Variants in MAST4 observed in about 807,000 individuals in gnomAD.
MAST4 encodes microtubule-associated serine/threonine-protein kinase 4.
MAST4 carries 89 observed loss-of-function variants against 162.7 expected under a neutral mutation model. That is an observed-to-expected ratio of 0.55 (90% CI 0.46 to 0.65). The LOEUF is 0.65. Ranked by LOEUF, MAST4 falls within the 30% of genes least tolerant of loss-of-function variation. The pLI is 0.00. For missense variants in MAST4, 3,153 were observed against 3,374.0 expected, an observed-to-expected ratio of 0.93 and a Z score of 1.62; for synonymous variants, 1,479 against 1,361.1, an observed-to-expected ratio of 1.09 and a Z score of -1.91.
chr5:66,926,806 C>T (rs190138238), intron 4 of MAST4, among the ~76,000 whole-genome samples: 28 of 151,930 alleles, frequency 1.8e-4, no homozygotes, highest in South Asian at 4.2e-4. Flanking sequence ...GGACTGTGGC[C>T]GAGGAGCACC....
At chr5:66,806,543 A>G (rs1182190810) in intron 3 of MAST4, among the ~76,000 whole-genome samples, 1 of 152,220 alleles carries the variant, frequency 6.6e-6, no homozygotes, top group Non-Finnish European at 1.5e-5. Flanking sequence ...TTGATCAGGT[A>G]GAACTTAATT....
intron 1 of MAST4, among the ~76,000 whole-genome samples, chr5:66,758,443 G>T (rs1753676540): frequency 6.6e-6 from 1 of 151,654 alleles, no homozygotes; most frequent in Admixed American, 6.6e-5. Context: ...TTGAGATGGG[G>T]TCTTGCTCTG....
chr5:66,985,382 A>C (rs1348911167), intron 4 of MAST4, among the ~76,000 whole-genome samples: 3 of 152,174 alleles, frequency 2.0e-5, no homozygotes, highest in African/African-American at 7.2e-5. Context: ...AGAAATGTTC[A>C]ATCAAAGACA....
chr5:66,665,992 G>A (rs1007694577), intron 1 of MAST4, among the ~76,000 whole-genome samples: 1 of 152,156 alleles, frequency 6.6e-6, no homozygotes, highest in Non-Finnish European at 1.5e-5. Context: ...CCCCGTTGGG[G>A]CTTTTCAAAA....
chr5:66,891,684 C>T (rs1229999303), intron 3 of MAST4, among the ~76,000 whole-genome samples: 1 of 152,154 alleles, frequency 6.6e-6, no homozygotes, highest in African/African-American at 2.4e-5. Flanking sequence ...CCCTACCTGA[C>T]TACGTCTGTT....
chr5:67,084,728 A>G (rs1763056144), intron 5 of MAST4, among the ~76,000 whole-genome samples: 1 of 152,190 alleles, frequency 6.6e-6, no homozygotes, highest in Non-Finnish European at 1.5e-5. Context: ...AGACAGAATG[A>G]TTAAAATGAT....
intron 1 of MAST4, among the ~76,000 whole-genome samples, chr5:66,670,457 T>C (rs1262855947): frequency 6.6e-6 from 1 of 152,204 alleles, no homozygotes; most frequent in Non-Finnish European, 1.5e-5. Flanking sequence ...TTATTATAAA[T>C]CAGGATTGTG....
intron 17 of MAST4, among the ~76,000 whole-genome samples, 180 bp from the exon 18 acceptor site, chr5:67,134,343 A>G (rs1380637131): frequency 6.6e-6 from 1 of 152,136 alleles, no homozygotes; most frequent in African/African-American, 2.4e-5. Flanking sequence ...TTTGGTAATA[A>G]TTCTTTTCGT....
At chr5:67,151,767 C>CTTTT (rs1163541260) in intron 24 of MAST4, among the ~76,000 whole-genome samples, 4 of 115,668 alleles carry the variant, frequency 3.5e-5, no homozygotes, top group Admixed American at 8.9e-5. Context: ...TTCTTTTTTT[C>CTTTT]TTTTTTTTTT....
chr5:67,023,725 C>A lies in MAST4; in HGVS notation c.675-30679C>A, dbSNP rs1046463113. ...TATTTGCAAACTTATGGGTGGAGGG[C>A]AGGATGGTGGGGTAATTATGATGTG... is the stretch of plus-strand genomic sequence containing the variant. On this transcript the variant is annotated intron_variant, in intron 4 of 28. Transcript: ENST00000403625. Among the ~76,000 whole-genome samples the A allele has an allele frequency of 1.3e-5, 2 of 151,924 alleles. 1 individual carries two copies. The highest frequency in any genetic ancestry group is 4.8e-5 in the African/African-American group (2 of 41,350).
chr5:66,751,770 T>C (rs1450721252), intron 1 of MAST4, among the ~76,000 whole-genome samples: 2 of 149,704 alleles, frequency 1.3e-5, no homozygotes, highest in Non-Finnish European at 3.0e-5. Flanking sequence ...CAGGCCAACG[T>C]TCAGATTCAG....
chr5:67,057,582 C>A (rs1181512587), intron 5 of MAST4, among the ~76,000 whole-genome samples: 1 of 105,724 alleles, frequency 9.5e-6, no homozygotes, highest in African/African-American at 3.6e-5. Context: ...GTGAATAGCA[C>A]AGTCTCATTA....
At chr5:66,680,443 T>C (rs1748255842) in intron 1 of MAST4, among the ~76,000 whole-genome samples, 1 of 152,192 alleles carries the variant, frequency 6.6e-6, no homozygotes, top group South Asian at 2.1e-4. Flanking sequence ...CTGTGTCTGC[T>C]GCCAGTGCCC....
At chr5:67,085,556 C>G (rs568705468) in intron 5 of MAST4, among the ~76,000 whole-genome samples, 6 of 152,172 alleles carry the variant, frequency 3.9e-5, no homozygotes, top group Non-Finnish European at 5.9e-5. Flanking sequence ...ACCAAAGATT[C>G]AGGGAGCCCA....
intron 7 of MAST4, among the ~76,000 whole-genome samples, chr5:67,098,913 A>G (rs1219248367): frequency 6.6e-6 from 1 of 152,186 alleles, no homozygotes; most frequent in African/African-American, 2.4e-5. Context: ...GTTTGAATCA[A>G]CATTCATACT....
intron 6 of MAST4, among the ~76,000 whole-genome samples, chr5:67,094,920 C>T (rs897766198): frequency 6.6e-6 from 1 of 152,160 alleles, no homozygotes; most frequent in African/African-American, 2.4e-5. Flanking sequence ...TCACTCTGCC[C>T]CCACTGTTGA....
At chr5:66,602,769 G>T (rs547309208) in intron 1 of MAST4, among the ~76,000 whole-genome samples, 1 of 152,152 alleles carries the variant, frequency 6.6e-6, no homozygotes, top group African/African-American at 2.4e-5. Context: ...GAAAGGGCTT[G>T]CATTCTTCTC....
At chr5:66,690,893 C>T (rs767886695) in intron 1 of MAST4, among the ~76,000 whole-genome samples, 6 of 152,120 alleles carry the variant, frequency 3.9e-5, no homozygotes, top group South Asian at 4.1e-4. Context: ...AATAGGTGTC[C>T]TGTGGGGCAT....
chr5:66,960,895 G>A (rs1745934052), intron 4 of MAST4, among the ~76,000 whole-genome samples: 1 of 152,156 alleles, frequency 6.6e-6, no homozygotes, highest in Non-Finnish European at 1.5e-5. Context: ...CGTCGACACA[G>A]GACATAACAG....
Sources: gnomAD v4.1 joint callset for allele counts (sites outside exome capture counted in the v4.1 genomes callset) on GRCh38, gnomAD v4.1.1 for gene constraint, MANE v1.5 for transcripts, NCBI Gene and HGNC (gene_info 2026-07-23, HGNC 2026-07-21) for gene names.